Variants in SLC6A16 observed in about 807,000 individuals in gnomAD.
SLC6A16 encodes the protein solute carrier family 6 member 16.
SLC6A16 carries 54 observed loss-of-function variants against 65.4 expected under a neutral mutation model. The observed-to-expected ratio is 0.83, with a 90% CI of 0.66 to 1.04. The LOEUF is 1.04. Among genes scored for constraint, SLC6A16 ranks in the 50% least tolerant of loss-of-function variants. The pLI is 0.00. For synonymous variants in SLC6A16, 330 were observed against 346.5 expected (o/e 0.95, Z 0.53); for missense variants, 816 against 914.0 (o/e 0.89, Z 1.38).
chr19:49,330,092 T>G (rs1283483882), upstream of SLC6A16, among the ~76,000 whole-genome samples: 1 of 151,090 alleles, frequency 6.6e-6, no homozygotes, highest in Non-Finnish European at 1.5e-5. Context: ...CCCTCCCACT[T>G]GTGTGACAGA....
At chr19:49,317,683 G>A (rs1255583201) in intron 1 of SLC6A16, among the ~76,000 whole-genome samples, 4 of 152,048 alleles carry the variant, frequency 2.6e-5, no homozygotes, top group Non-Finnish European at 4.4e-5. Context: ...GCGGGCGCCT[G>A]TAGTCCCAGC....
At chr19:49,301,994 C>T (rs930821257) in intron 7 of SLC6A16, among the ~76,000 whole-genome samples, 2 of 152,238 alleles carry the variant, frequency 1.3e-5, no homozygotes, top group African/African-American at 2.4e-5. Flanking sequence ...TGTGCACACA[C>T]GCCTCCAGCT....
intron 3 of SLC6A16, 72 bp from the exon 4 acceptor site, chr19:49,310,238 T>C (rs1211326019): frequency 1.2e-5 from 19 of 1,606,552 alleles, no homozygotes; most frequent in East Asian, 4.5e-5. Flanking sequence ...TGACAGAGGA[T>C]TGGGGAACCA....
chr19:49,322,769 C>G (rs1009414033), intron 1 of SLC6A16, among the ~76,000 whole-genome samples: 1 of 131,528 alleles, frequency 7.6e-6, no homozygotes, highest in South Asian at 2.6e-4. Context: ...TGGAAGACAA[C>G]ACTGTTAAGA....
intron 2 of SLC6A16, 74 bp from the exon 3 acceptor site, chr19:49,310,584 A>G: frequency 6.5e-7 from 1 of 1,542,216 alleles, no homozygotes. Flanking sequence ...AGCCCAGGAA[A>G]ACATTCTCCC....
chr19:49,323,536 C>T (rs1385573471), intron 1 of SLC6A16, among the ~76,000 whole-genome samples: 1 of 152,038 alleles, frequency 6.6e-6, no homozygotes, highest in Non-Finnish European at 1.5e-5. Context: ...CAACACAATT[C>T]AAAAATGGGC....
intron 1 of SLC6A16, among the ~76,000 whole-genome samples, chr19:49,319,640 C>T (rs1013150109): frequency 5.3e-5 from 8 of 151,820 alleles, no homozygotes; most frequent in Non-Finnish European, 7.4e-5. Context: ...TACCCCACTA[C>T]GAACAATGGA....
rs1207689816 is a variant in SLC6A16 at position 49,290,209 on chromosome 19, G to T, written c.2125C>A (p.Leu709Ile). 6.2e-7 allele frequency: 1 copy of T among 1,614,156 alleles called. No individual in the cohort carries two copies. The highest frequency in any genetic ancestry group is 1.1e-5 in the South Asian group (1 of 91,076). ...TTTTGAACCTCTTTACTGGGTGTTA[G>T]CTGGTGACTTAGGGGTAGGGATGTG... The part of the protein sequence containing the change: ...ASTSLPLSHQ[L>I]TPSKEVQKEE... Residue 709 changes from leucine (L) to isoleucine (I), a missense_variant, in exon 12 of 12, where the codon CTA (leucine) becomes ATA (isoleucine). Physicochemically the swap from Leu to Ile is conservative, Grantham distance 5 (BLOSUM62 2). Transcript: ENST00000335875.
At chr19:49,299,073 G>A (rs1163235432) in intron 7 of SLC6A16, among the ~76,000 whole-genome samples, 4 of 151,736 alleles carry the variant, frequency 2.6e-5, no homozygotes, top group African/African-American at 7.3e-5. Flanking sequence ...GTGAAACCCC[G>A]TCTCTACTAA....
chr19:49,320,285 G>A (rs896978163), intron 1 of SLC6A16, among the ~76,000 whole-genome samples: 6 of 152,008 alleles, frequency 3.9e-5, no homozygotes, highest in South Asian at 2.1e-4. Flanking sequence ...GTGGGCGCCT[G>A]TAATCCCAGC....
At chr19:49,335,028 C>T in the SLC6A16 span, 1 of 156,998 alleles carries the variant, frequency 6.4e-6, no homozygotes. This position sits in a 1 kb window ranked among gnomAD's most constrained non-coding sequence, Gnocchi z 4.6. Flanking sequence ...AAGGTGGGGA[C>T]AAAGACCCAG....
At chr19:49,320,464 C>CTA (rs1174868693) in intron 1 of SLC6A16, among the ~76,000 whole-genome samples, 1 of 150,124 alleles carries the variant, frequency 6.7e-6, no homozygotes, top group Non-Finnish European at 1.5e-5. Context: ...TAACCTAACT[C>CTA]TAAAACTTAA....
intron 7 of SLC6A16, among the ~76,000 whole-genome samples, chr19:49,299,476 C>A (rs561523827): frequency 1.3e-4 from 20 of 149,126 alleles, no homozygotes; most frequent in Middle Eastern, 3.4e-3. Flanking sequence ...ATTGCTTGAA[C>A]CTGGGAGGCA....
upstream of SLC6A16, chr19:49,325,203 G>GGCCTTTCCCGCC (rs1252253553): frequency 1.0e-6 from 1 of 985,118 alleles, no homozygotes; most frequent in Admixed American, 6.2e-5. Context: ...CCTGGCGCGC[G>GGCCTTTCCCGCC]GCCTTTCCCG....
chr19:49,336,934 C>G, the SLC6A16 span: 13 of 1,614,206 alleles, frequency 8.1e-6, no homozygotes, highest in Non-Finnish European at 1.1e-5. Flanking sequence ...CTCTGCAGAT[C>G]TGGTCCAAAG....
intron 7 of SLC6A16, among the ~76,000 whole-genome samples, chr19:49,303,659 AAAAAAAGAAAAAAG>A (rs201139718): frequency 2.8e-5 from 4 of 142,586 alleles, no homozygotes; most frequent in Non-Finnish European, 6.2e-5. Flanking sequence ...TCTCAAAAAA[AAAAAAAGAAAAAAG>A]AAAAAAGAAA....
Position 49,308,867 on chromosome 19 carries a change from C to T in SLC6A16, c.1229+9G>A, listed in dbSNP as rs779989558. The T allele has an allele frequency of 2.3e-5, 37 of 1,613,874 alleles. No individual in the cohort carries two copies. Among genetic ancestry groups the T allele is most frequent in the African/African-American group, 1.9e-4 (14 of 74,968 alleles). ...GAGCTGAGACCCTTAACAAAGGGGC[C>T]GGCCTTACCTCTCACAGCAGCGATG... On this transcript the variant is annotated intron_variant, in intron 7 of 11. Coordinates refer to ENST00000335875, the MANE Select transcript of SLC6A16 (RefSeq NM_014037.3).
chr19:49,296,625 T>C (rs543265876), intron 7 of SLC6A16, among the ~76,000 whole-genome samples: 1 of 152,304 alleles, frequency 6.6e-6, no homozygotes, highest in East Asian at 1.9e-4. Context: ...CCTCATACCT[T>C]ATACAGAAAT....
rs1270282913 is a variant in SLC6A16, at chr19:49,309,310, C to T, written c.978G>A (p.Val326=). The T allele has an allele frequency of 7.4e-6, 12 of 1,612,330 alleles. No homozygotes were observed. The East Asian group carries it at 2.7e-4, about 36-fold the overall frequency. ...AGGAGATAGATTTCACCTTGGCAACCACCAACTGTTGAAGGCCAAATTTTG... is the reference window on the plus strand; with the variant it reads ...AGGAGATAGATTTCACCTTGGCAACTACCAACTGTTGAAGGCCAAATTTTG... ...EGAKFGLQQL[V]VAKISDVYNM... The change falls in exon 6 of 12, where the codon GTG becomes GTA. Residue 326 remains valine (V), a synonymous_variant. Coordinates refer to ENST00000335875, the MANE Select transcript of SLC6A16 (RefSeq NM_014037.3).
Sources: allele counts gnomAD v4.1 joint callset (sites outside exome capture counted in the v4.1 genomes callset), GRCh38; gene constraint gnomAD v4.1.1; non-coding constraint Gnocchi (gnomAD v3.1); transcripts MANE v1.5; gene names NCBI Gene and HGNC (gene_info 2026-07-23, HGNC 2026-07-21).